The following CHST11 variants were observed in gnomAD, a reference collection of about 807,000 sequenced individuals.
The protein encoded by CHST11 is C4S-1.
CHST11 carries 9 observed loss-of-function variants against 30.4 expected under a neutral mutation model. The ratio of observed to expected loss-of-function variants is 0.30; its 90% confidence interval spans 0.18 to 0.52. The LOEUF is 0.52. Ranked by LOEUF, CHST11 falls within the 20% of genes least tolerant of loss-of-function variation. CHST11 has a pLI of 0.97. For missense variants in CHST11, 348 were observed against 460.6 expected (o/e 0.76, Z 2.24); for synonymous variants, 152 against 187.8 (o/e 0.81, Z 1.56).
At chr12:104,745,338 A>G (rs11112182) in intron 2 of CHST11, among the ~76,000 whole-genome samples, 28,101 of 152,146 alleles carry the variant, frequency 0.18, 2,781 homozygotes, top group Admixed American at 0.27. Context: ...CGTTTCGGTT[A>G]CTATAGCCCT....
At chr12:104,613,382 G>A (rs985997920) in intron 2 of CHST11, among the ~76,000 whole-genome samples, 5 of 152,134 alleles carry the variant, frequency 3.3e-5, no homozygotes, top group Non-Finnish European at 7.4e-5. Flanking sequence ...GGGTGAACCT[G>A]GGGGGACTGA....
intron 1 of CHST11, among the ~76,000 whole-genome samples, chr12:104,513,294 G>A (rs10861230): frequency 0.14 from 20,845 of 152,024 alleles, 1,613 homozygotes; most frequent in East Asian, 0.34. Context: ...GTTAAAAGGT[G>A]ATATTTTCTA....
intron 2 of CHST11, among the ~76,000 whole-genome samples, chr12:104,721,179 C>A (rs1177483522): frequency 1.3e-5 from 2 of 152,226 alleles, no homozygotes; most frequent in East Asian, 3.8e-4. Context: ...CCATCCCCAT[C>A]CCCATCTCAT....
chr12:104,751,702 A>G (rs1002874801), intron 2 of CHST11, among the ~76,000 whole-genome samples: 1 of 152,166 alleles, frequency 6.6e-6, no homozygotes, highest in Non-Finnish European at 1.5e-5. Flanking sequence ...ACTAGAGTTG[A>G]TCTTATTTAC....
rs1267864440 is a variant in CHST11, at chr12:104,457,506, A to G, written c.95A>G (p.Tyr32Cys). 1 of 1,613,560 alleles carries G rather than the reference A, an allele frequency of 6.2e-7. No individual in the cohort carries two copies. The highest frequency in any genetic ancestry group is 8.5e-7 in the Non-Finnish European group (1 of 1,179,568). ...CLGSFILVIF[Y>C]FQSMLHPVMR... ...GGATCCTTTATCCTGGTCATCTTCT[A>G]TTTCCAAAGTATGTTGCACCCAGGT... Residue 32 changes from tyrosine (Y) to cysteine (C), a missense_variant, in exon 1 of 3, where the codon TAT becomes TGT. Physicochemically the swap from Tyr to Cys is radical, Grantham distance 194 (BLOSUM62 -2). Around this residue, in one of 3 missense-constraint regions of CHST11, gnomAD observed 135 missense variants for 155.8 expected, o/e 0.87. Transcript: ENST00000303694.
chr12:104,704,900 C>T (rs1015442669), intron 2 of CHST11, among the ~76,000 whole-genome samples: 4 of 152,078 alleles, frequency 2.6e-5, no homozygotes, highest in South Asian at 4.2e-4. Flanking sequence ...CTGAGAGGAG[C>T]GCACCCAGCT....
chr12:104,575,150 G>A (rs890314941), intron 1 of CHST11, among the ~76,000 whole-genome samples: 1 of 151,610 alleles, frequency 6.6e-6, no homozygotes. Flanking sequence ...CCGAGACTGT[G>A]CCACTGCACC....
intron 2 of CHST11, among the ~76,000 whole-genome samples, chr12:104,695,810 G>T (rs182819695): frequency 1.3e-5 from 2 of 152,256 alleles, no homozygotes; most frequent in African/African-American, 4.8e-5. Context: ...GCATTGCCAC[G>T]TACAGAGTAA....
chr12:104,679,376 G>A (rs2039772297), intron 2 of CHST11, among the ~76,000 whole-genome samples: 2 of 152,106 alleles, frequency 1.3e-5, no homozygotes, highest in Admixed American at 6.5e-5. Context: ...AACCCGTTGG[G>A]AGGGTACCCA....
intron 1 of CHST11, among the ~76,000 whole-genome samples, chr12:104,575,786 A>G (rs1650126): frequency 0.29 from 43,868 of 151,730 alleles, 6,579 homozygotes; most frequent in Middle Eastern, 0.42. Context: ...CTGCTTCGTC[A>G]GAAGGGCCCG....
At chr12:104,685,450 T>C (rs1412146534) in intron 2 of CHST11, among the ~76,000 whole-genome samples, 1 of 152,254 alleles carries the variant, frequency 6.6e-6, no homozygotes, top group African/African-American at 2.4e-5. Flanking sequence ...ATACCAATGA[T>C]AAATTTTGAA....
At chr12:104,635,219 CCCA>C (rs1207096041) in intron 2 of CHST11, among the ~76,000 whole-genome samples, 1 of 152,176 alleles carries the variant, frequency 6.6e-6, no homozygotes, top group African/African-American at 2.4e-5. Context: ...ACATCACCTC[CCCA>C]CCATGTCCAA....
rs1565954844 is a variant in CHST11 at position 104,475,679 on chromosome 12, TATATATATA to T, written c.118+18151_118+18159del. Among the ~76,000 whole-genome samples the T allele has an allele frequency of 8.7e-4, 107 of 122,966 alleles. 6 individuals carry two copies. The highest frequency in any genetic ancestry group is 3.1e-3 in the Admixed American group (33 of 10,758). 80.7% of individuals were successfully genotyped at this position (122,966 alleles called of 152,430 possible). ...AGCATTATATATATATATATATATA[TATATATATA>T]TATTTCTGATTATGAAATTAATTCA... On this transcript the variant is annotated intron_variant, in intron 1 of 2. Coordinates refer to ENST00000303694, the MANE Select transcript of CHST11 (RefSeq NM_018413.6).
At chr12:104,463,874 A>G (rs1221137471) in intron 1 of CHST11, among the ~76,000 whole-genome samples, 1 of 152,128 alleles carries the variant, frequency 6.6e-6, no homozygotes, top group Non-Finnish European at 1.5e-5. Context: ...CCCAGAGCAG[A>G]GGGACGGAGG....
intron 1 of CHST11, among the ~76,000 whole-genome samples, chr12:104,492,085 C>T (rs6539155): frequency 0.37 from 56,607 of 151,930 alleles, 10,991 homozygotes; most frequent in East Asian, 0.65. Flanking sequence ...TCTCCTCTTA[C>T]CATGTCACTC....
chr12:104,687,480 T>C (rs1425842145), intron 2 of CHST11, among the ~76,000 whole-genome samples: 1 of 152,248 alleles, frequency 6.6e-6, no homozygotes, highest in Non-Finnish European at 1.5e-5. Flanking sequence ...AAGTAGATGC[T>C]GCAGTAGCCC....
At chr12:104,682,788 A>G (rs894366972) in intron 2 of CHST11, among the ~76,000 whole-genome samples, 1 of 152,208 alleles carries the variant, frequency 6.6e-6, no homozygotes, top group African/African-American at 2.4e-5. Flanking sequence ...CCGATGTTCA[A>G]TCCCAGTGAC....
intron 2 of CHST11, among the ~76,000 whole-genome samples, chr12:104,737,205 G>A (rs2040308573): frequency 6.6e-6 from 1 of 152,224 alleles, no homozygotes; most frequent in South Asian, 2.1e-4. Context: ...ACGTAGATCT[G>A]GGCTGTGGAT....
rs1487440517 is a variant in CHST11 at position 104,590,846 on chromosome 12, TGGG to T, written c.119-11059_119-11057del. ...CTGAGGCACAAGAATTGCTCGAACA[TGGG>T]AGGTGGGGGTTGCAGTGAGCCAATA... On this transcript the variant is annotated intron_variant, in intron 1 of 2. Coordinates refer to ENST00000303694, the MANE Select transcript of CHST11 (RefSeq NM_018413.6). Among the ~76,000 whole-genome samples, 377 of 151,520 alleles carry T rather than the reference TGGG, an allele frequency of 2.5e-3. 2 individuals are homozygous for T. Among genetic ancestry groups the T allele is most frequent in the African/African-American group, 8.6e-3 (354 of 41,248 alleles).
Sources: gnomAD v4.1 joint callset for allele counts (sites outside exome capture counted in the v4.1 genomes callset) on GRCh38, gnomAD v4.1.1 for gene constraint, gnomAD v4.1.1 regional missense constraint, MANE v1.5 for transcripts, NCBI Gene and HGNC (gene_info 2026-07-23, HGNC 2026-07-21) for gene names.